NIPA2: variants seen among roughly 807,000 people sequenced by gnomAD.
The protein encoded by NIPA2 is NIPA magnesium transporter 2, also known as magnesium transporter NIPA2.
Under a neutral mutation model 29.7 loss-of-function variants are expected in NIPA2, and 11 were observed. The observed-to-expected ratio is 0.37, with a 90% CI of 0.23 to 0.61. The LOEUF is 0.61. NIPA2 is among the 20% of genes least tolerant of loss of function. The pLI is 0.66. For missense variants in NIPA2, 426 were observed against 437.9 expected, an observed-to-expected ratio of 0.97 and a Z score of 0.24; for synonymous variants, 183 against 161.9, an observed-to-expected ratio of 1.13 and a Z score of -0.99.
intron 3 of NIPA2, among the ~76,000 whole-genome samples, chr15:22,849,447 GGA>G (rs2057550652): frequency 6.6e-6 from 1 of 152,108 alleles, no homozygotes; most frequent in African/African-American, 2.4e-5. Context: ...ATCTGTTAAG[GGA>G]GAGGTCAGTT....
At chr15:22,852,511 G>T (rs1165457563) in intron 4 of NIPA2, among the ~76,000 whole-genome samples, 1 of 150,680 alleles carries the variant, frequency 6.6e-6, no homozygotes, top group Non-Finnish European at 1.5e-5. Context: ...TTTATTAAAG[G>T]CTGGGATCTT....
In NIPA2 at chr15:22,866,656, G is replaced by C; in HGVS notation, c.892G>C (p.Ala298Pro). Reference sequence around the variant, plus strand: ...CATTGTGGGGATATTCTTGTTGCATGCCTTTAAAGACGTCAGCTTTAGTCT... The same window carrying C: ...CATTGTGGGGATATTCTTGTTGCATCCCTTTAAAGACGTCAGCTTTAGTCT... ...TIIVGIFLLH[A>P]FKDVSFSLAS... Residue 298 changes from alanine to proline, a missense_variant, in exon 8 of 8, where the codon GCC becomes CCC. Physicochemically the swap from Ala to Pro is conservative, Grantham distance 27 (BLOSUM62 -1). Coordinates refer to ENST00000337451, the MANE Select transcript of NIPA2 (RefSeq NM_030922.7). 6.2e-7 allele frequency: 1 copy of C among 1,614,064 alleles called. No individual in the cohort carries two copies. The highest frequency in any genetic ancestry group is 8.5e-7 in the Non-Finnish European group (1 of 1,179,976).
intron 3 of NIPA2, among the ~76,000 whole-genome samples, chr15:22,846,640 C>G (rs1462501285): frequency 2.0e-5 from 3 of 151,754 alleles, no homozygotes; most frequent in South Asian, 2.1e-4. Context: ...TGGTGAAACT[C>G]TGTATCGACA....
intron 5 of NIPA2, 40 bp from the exon 6 acceptor site, chr15:22,858,500 C>T (rs780009495): frequency 5.5e-5 from 74 of 1,355,226 alleles, no homozygotes; most frequent in Non-Finnish European, 7.3e-5. Context: ...TGAGTACATA[C>T]ATTCTTACCT....
At chr15:22,858,108 G>A (rs2141387710) in intron 5 of NIPA2, among the ~76,000 whole-genome samples, 1 of 152,012 alleles carries the variant, frequency 6.6e-6, no homozygotes, top group South Asian at 2.1e-4. Context: ...TAATAAATTG[G>A]AGAGGCTGGG....
intron 5 of NIPA2, among the ~76,000 whole-genome samples, chr15:22,856,780 T>G (rs1329836514): frequency 6.8e-6 from 1 of 148,082 alleles, no homozygotes; most frequent in Non-Finnish European, 1.5e-5. Flanking sequence ...CATCCCATAC[T>G]CCTAACAAAG....
intron 5 of NIPA2, among the ~76,000 whole-genome samples, chr15:22,856,016 A>G (rs12911925): frequency 0.14 from 20,696 of 152,154 alleles, 1,696 homozygotes; most frequent in Admixed American, 0.26. Flanking sequence ...GGTGAAGCAG[A>G]GAGAGGCATT....
In NIPA2 at chr15:22,866,757, T is replaced by TAATA; in HGVS notation, c.995_998dup (p.Asn333LysfsTer2). 1.2e-6 allele frequency: 2 copies of TAATA among 1,613,598 alleles called. No individual in the cohort carries two copies. The highest frequency in any genetic ancestry group is 1.3e-5 in the African/African-American group (1 of 74,964). On this transcript the variant is annotated frameshift_variant, in exon 8 of 8. Coordinates refer to ENST00000337451, the MANE Select transcript of NIPA2 (RefSeq NM_030922.7). LOFTEE classifies it high-confidence loss of function. ...ATCTCTCTAATATGTATGAAGTTCT[T>TAATA]AATAATAATGAAGAAAGCTTAACCT...
intron 7 of NIPA2, among the ~76,000 whole-genome samples, chr15:22,861,158 T>G (rs1162375745): frequency 6.6e-6 from 1 of 152,246 alleles, no homozygotes; most frequent in African/African-American, 2.4e-5. Context: ...GTATAATTTG[T>G]TTTTCCAGAA....
At chr15:22,864,195 G>C (rs937932138) in intron 7 of NIPA2, among the ~76,000 whole-genome samples, 1 of 151,794 alleles carries the variant, frequency 6.6e-6, no homozygotes, top group African/African-American at 2.4e-5. Context: ...TTGCTCTGTT[G>C]CCCAGGCTGG....
chr15:22,866,724 G>C lies in NIPA2; in HGVS notation c.960G>C (p.Met320Ile), dbSNP rs772968349. ...PVSFRKDEKA[M>I]NGNLSNMYEV... The stretch of plus-strand genomic sequence containing the variant: ...CTTTTCGAAAAGACGAGAAAGCAAT[G>C]AATGGCAATCTCTCTAATATGTATG... Residue 320 changes from methionine (M) to isoleucine (I), a missense_variant, in exon 8 of 8, where the codon ATG becomes ATC. Around this residue, in one of 3 missense-constraint regions of NIPA2, gnomAD observed 357 missense variants for 339.8 expected, o/e 1.05. Transcript: ENST00000337451. 1.2e-6 allele frequency: 2 copies of C among 1,613,944 alleles called. No homozygotes were observed. The highest frequency in any genetic ancestry group is 4.5e-5 in the East Asian group (2 of 44,884).
chr15:22,858,681 A>G, intron 6 of NIPA2, 51 bp downstream of exon 6: 1 of 1,125,080 alleles, frequency 8.9e-7, no homozygotes, highest in South Asian at 1.5e-5. Context: ...TTAGTTTCTA[A>G]AATATTCAGT....
Position 22,850,454 on chromosome 15 carries a change from C to T in NIPA2, c.-93-1185C>T, listed in dbSNP as rs1218847317. Reference sequence around the variant, plus strand: ...GTCTTCTCATTGAATCATACAGGAACGATAATGCACCTTAATGGGCAAATC... The same window carrying T: ...GTCTTCTCATTGAATCATACAGGAATGATAATGCACCTTAATGGGCAAATC... On this transcript the variant is annotated intron_variant, in intron 3 of 7. Transcript: ENST00000337451. 2.0e-5 allele frequency among the ~76,000 whole-genome samples: 3 copies of T among 152,096 alleles called. 1 individual carries two copies. The highest frequency in any genetic ancestry group is 4.1e-4 in the South Asian group (2 of 4,826).
chr15:22,843,232 C>T (rs931315073), intron 2 of NIPA2, among the ~76,000 whole-genome samples: 17 of 151,976 alleles, frequency 1.1e-4, no homozygotes, highest in African/African-American at 1.9e-4. Flanking sequence ...GGGCCAGGTG[C>T]GGTGGCTCAC....
At chr15:22,844,683 A>T (rs1007681382) in intron 2 of NIPA2, among the ~76,000 whole-genome samples, 3 of 152,060 alleles carry the variant, frequency 2.0e-5, no homozygotes, top group Non-Finnish European at 4.4e-5. Context: ...CAACCCAGGC[A>T]TTTGAGACAG....
In NIPA2 at chr15:22,867,104, C is replaced by T. The variant is rs189333520; in HGVS notation, c.*257C>T. ...AGTATTTTACATTTTCATCCCTTCT[C>T]CAAAAGCCGAATGCACTAATGACAG... On this transcript the variant is annotated 3_prime_UTR_variant, in exon 8 of 8. Transcript: ENST00000337451. The T allele has an allele frequency of 3.3e-4, 161 of 485,096 alleles. 1 individual carries two copies. The highest frequency in any genetic ancestry group is 5.6e-4 in the Non-Finnish European group (155 of 278,408). The allele number at this position is 485,096 out of a possible 1,614,324, so 30.0% of individuals were successfully genotyped here. A position where few individuals can be genotyped will look rare whatever the true frequency, so the allele number is the denominator to read the frequency against.
At chr15:22,854,163 C>T (rs1417361771) in intron 5 of NIPA2, among the ~76,000 whole-genome samples, 1 of 150,442 alleles carries the variant, frequency 6.6e-6, no homozygotes, top group Non-Finnish European at 1.5e-5. Flanking sequence ...CAGTCTTGCT[C>T]TGTTGCCAGG....
intron 5 of NIPA2, among the ~76,000 whole-genome samples, chr15:22,857,320 C>T (rs1047628071): frequency 2.0e-5 from 3 of 151,578 alleles, no homozygotes; most frequent in Non-Finnish European, 4.4e-5. Context: ...GCCTGTAATC[C>T]CAGCTACTTG....
At position 22,866,472 on chromosome 15, in the gene NIPA2, A is replaced by G. The variant is rs1340061793; in HGVS notation, c.708A>G (p.Leu236=). The change falls in exon 8 of 8, where the codon CTA becomes CTG. Residue 236 remains leucine, a synonymous_variant. Transcript: ENST00000337451. The part of the protein sequence containing the change: ...IVCVSTQINY[L]NRALDIFNTS... ...GTGTGAGCACACAGATTAATTACCT[A>G]AATAGGGCCCTGGATATATTCAACA... 3 of 1,613,978 alleles carry G rather than the reference A, an allele frequency of 1.9e-6. No homozygotes were observed. The highest frequency in any genetic ancestry group is 2.5e-6 in the Non-Finnish European group (3 of 1,179,898).
Sources: allele counts gnomAD v4.1 joint callset (sites outside exome capture counted in the v4.1 genomes callset), GRCh38; gene constraint gnomAD v4.1.1; regional missense constraint gnomAD v4.1.1; transcripts MANE v1.5; gene names NCBI Gene and HGNC (gene_info 2026-07-23, HGNC 2026-07-21).